Variants in CDKL1 observed in about 807,000 individuals in gnomAD.
The protein encoded by CDKL1 is cyclin dependent kinase like 1.
Under a neutral mutation model 42.0 loss-of-function variants are expected in CDKL1, and 41 were observed. The observed-to-expected ratio is 0.98, with a 90% CI of 0.76 to 1.27. The LOEUF (loss-of-function observed/expected upper bound fraction) is 1.27. Ranked by LOEUF, CDKL1 falls within the 50% of genes most tolerant of loss-of-function variation. The pLI, the probability that CDKL1 is intolerant of heterozygous loss-of-function variation, is 0.00. For synonymous variants in CDKL1, 153 were observed against 158.6 expected, an observed-to-expected ratio of 0.96 and a Z score of 0.26; for missense variants, 394 against 428.4, an observed-to-expected ratio of 0.92 and a Z score of 0.71.
At chr14:50,343,113 T>C in intron 4 of CDKL1, 1 of 1,167,944 alleles carries the variant, frequency 8.6e-7, no homozygotes, top group Non-Finnish European at 1.1e-6. Context: ...TAAATGACAA[T>C]TTCTTTGGCA....
chr14:50,386,484 T>C (rs1176220450), intron 2 of CDKL1, among the ~76,000 whole-genome samples: 2 of 152,092 alleles, frequency 1.3e-5, no homozygotes, highest in Non-Finnish European at 1.5e-5. Context: ...ATTCTAACAG[T>C]TGATGAACTA....
At position 50,331,916 on chromosome 14, in the gene CDKL1, GAC is replaced by G. The variant is rs1566569117; in HGVS notation, c.966+344_966+345del. 8 of 966,134 alleles carry G rather than the reference GAC, an allele frequency of 8.3e-6. No homozygotes were observed. The South Asian group carries it at 1.0e-4, about 13-fold the overall frequency. The allele number at this position is 966,134 out of a possible 1,614,324, so 59.8% of individuals were successfully genotyped here. A position where few individuals can be genotyped will look rare whatever the true frequency, so the allele number is the denominator to read the frequency against. On this transcript the variant is annotated intron_variant, in intron 9 of 9. Transcript: ENST00000395834. ...TTTTAATACTAAAAGTGTACATGAT[GAC>G]ACAGAACTGCATGGGGAAAATCTGA...
At chr14:50,359,444 T>C (rs893228442) in intron 2 of CDKL1, among the ~76,000 whole-genome samples, 2 of 152,028 alleles carry the variant, frequency 1.3e-5, no homozygotes, top group Admixed American at 6.6e-5. Context: ...CTTTCAAGAT[T>C]CAGATCAAAT....
At chr14:50,356,446 T>C (rs2034059058) in intron 3 of CDKL1, among the ~76,000 whole-genome samples, 1 of 152,156 alleles carries the variant, frequency 6.6e-6, no homozygotes, top group Non-Finnish European at 1.5e-5. Context: ...CATACGATGA[T>C]AGACTGGAAA....
In CDKL1 at chr14:50,335,891, T is replaced by C. The variant is rs2033243296; in HGVS notation, c.739-1270A>G. 3 of 1,266,200 alleles carry C rather than the reference T, an allele frequency of 2.4e-6. No homozygotes were observed. The Admixed American group carries it at 8.7e-5, about 37-fold the overall frequency. The allele number at this position is 1,266,200 out of a possible 1,614,324, so 78.4% of individuals were successfully genotyped here. A position where few individuals can be genotyped will look rare whatever the true frequency, so the allele number is the denominator to read the frequency against. The stretch of plus-strand genomic sequence containing the variant: ...TTGATAAGAGTAGGAGAGAAGAGCC[T>C]CTGTTTCAGAGTTCCCTATGTCAAC... On this transcript the variant is annotated intron_variant, in intron 7 of 9. Coordinates refer to ENST00000395834, the MANE Select transcript of CDKL1 (RefSeq NM_004196.7).
At chr14:50,343,158 T>A (rs2033611876) in intron 4 of CDKL1, 1 of 438,534 alleles carries the variant, frequency 2.3e-6, no homozygotes, top group Non-Finnish European at 3.4e-6. Flanking sequence ...AGAGTTACTT[T>A]TTTTTTTTTT....
intron 9 of CDKL1, 192 bp downstream of exon 9, chr14:50,332,070 G>A (rs895421058): frequency 1.0e-5 from 16 of 1,552,126 alleles, no homozygotes; most frequent in Non-Finnish European, 1.3e-5. Context: ...CAGGACAAGG[G>A]CACCTTTAGG....
At position 50,390,238 on chromosome 14, in the gene CDKL1, C is replaced by T. The variant is rs745817339; in HGVS notation, c.168+5463G>A. The T allele has an allele frequency of 1.8e-5, 25 of 1,365,720 alleles. No individual in the cohort carries two copies. In the South Asian group the frequency reaches 2.8e-4, roughly 16 times the overall value. 84.6% of individuals were successfully genotyped at this position (1,365,720 alleles called of 1,614,324 possible). A position where few individuals can be genotyped will look rare whatever the true frequency, so the allele number is the denominator to read the frequency against. On this transcript the variant is annotated intron_variant, in intron 2 of 9. Transcript: ENST00000395834. ...CCCAGCTGCTGCTTTCAGCCCTTGA[C>T]CAATGCTGGTCTAATATATTTTAAC...
chr14:50,393,506 T>G (rs1275277078), intron 2 of CDKL1, among the ~76,000 whole-genome samples: 2 of 152,194 alleles, frequency 1.3e-5, no homozygotes, highest in Non-Finnish European at 2.9e-5. Context: ...TGACAGGGTC[T>G]CACTGTCACC....
chr14:50,348,548 C>T (rs976928910), intron 3 of CDKL1, among the ~76,000 whole-genome samples: 4 of 152,152 alleles, frequency 2.6e-5, no homozygotes, highest in South Asian at 2.1e-4. Flanking sequence ...CTGGGAAACC[C>T]GGCAGGCAGA....
chr14:50,385,402 C>T (rs1259931477), intron 2 of CDKL1, among the ~76,000 whole-genome samples: 6 of 152,162 alleles, frequency 3.9e-5, no homozygotes, highest in South Asian at 2.1e-4. Context: ...AGTCGAGGCA[C>T]ATTCCACAAA....
chr14:50,380,020 T>C, intron 2 of CDKL1: 2 of 450,894 alleles, frequency 4.4e-6, no homozygotes, highest in Non-Finnish European at 9.2e-6. Flanking sequence ...GCTTAACAGG[T>C]CCATGAATCC....
At chr14:50,379,416 C>T (rs2139511715) in intron 2 of CDKL1, among the ~76,000 whole-genome samples, 1 of 152,300 alleles carries the variant, frequency 6.6e-6, no homozygotes, top group South Asian at 2.1e-4. Context: ...GAGCTCATCA[C>T]TGCTGTCCTC....
Position 50,377,664 on chromosome 14 carries a change from T to C in CDKL1, c.168+18037A>G, listed in dbSNP as rs184129523. 8.1e-6 allele frequency: 11 copies of C among 1,351,324 alleles called. No homozygotes were observed. The Admixed American group carries it at 1.2e-4, about 15-fold the overall frequency. The allele number at this position is 1,351,324 out of a possible 1,614,324, so 83.7% of individuals were successfully genotyped here. On this transcript the variant is annotated intron_variant, in intron 2 of 9. Transcript: ENST00000395834. ...GGGGTGGGAGGAGCCCAGGGAGGTG[T>C]AGCAACACAGTCACTAAGCCTTTTG...
chr14:50,338,977 A>C lies in CDKL1; in HGVS notation c.708T>G (p.Ser236Arg). Residue 236 changes from serine to arginine, a missense_variant, in exon 7 of 10, where the codon AGT (serine) becomes AGG (arginine). Physicochemically the swap from Ser to Arg is moderately radical, Grantham distance 110. Coordinates refer to ENST00000395834, the MANE Select transcript of CDKL1 (RefSeq NM_004196.7). ...QQVFSTNQYF[S>R]GVKIPDPEDM... ...CTTCAGGGTCTGGAATTTTCACTCC[A>C]CTGAAGTACTGATTCGTGCTAAACA... 6.2e-7 allele frequency: 1 copy of C among 1,612,516 alleles called. No individual in the cohort carries two copies. The highest frequency in any genetic ancestry group is 8.5e-7 in the Non-Finnish European group (1 of 1,178,502).
chr14:50,336,140 G>A (rs778665241), intron 7 of CDKL1: 6 of 1,365,170 alleles, frequency 4.4e-6, no homozygotes, highest in African/African-American at 1.5e-5. Context: ...CCTGTGATAC[G>A]CTGGAGCCCA....
chr14:50,364,117 T>C (rs1214131095), intron 2 of CDKL1: 1 of 152,264 alleles, frequency 6.6e-6, no homozygotes, highest in Non-Finnish European at 1.5e-5. Flanking sequence ...TTTGTCTGAA[T>C]GGGACCAGTA....
intron 2 of CDKL1, among the ~76,000 whole-genome samples, chr14:50,385,206 A>G (rs1468764090): frequency 6.6e-6 from 1 of 152,136 alleles, no homozygotes. Flanking sequence ...CATTTTTACA[A>G]TTGAGAAATA....
At chr14:50,380,741 T>C (rs2034879471) in intron 2 of CDKL1, among the ~76,000 whole-genome samples, 1 of 151,520 alleles carries the variant, frequency 6.6e-6, no homozygotes, top group Non-Finnish European at 1.5e-5. Context: ...GAAAACCCTC[T>C]GGGGAATGGC....
Sources: gnomAD v4.1 joint callset for allele counts (sites outside exome capture counted in the v4.1 genomes callset) on GRCh38, gnomAD v4.1.1 for gene constraint, MANE v1.5 for transcripts, NCBI Gene and HGNC (gene_info 2026-07-23, HGNC 2026-07-21) for gene names.